The following ADAMTSL1 variants were observed in gnomAD, a reference collection of about 807,000 sequenced individuals.
ADAMTSL1 encodes ADAMTS like 1, also known as ADAMTS-like protein 1.
ADAMTSL1 carries 126 observed loss-of-function variants against 201.8 expected under a neutral mutation model. The ratio of observed to expected loss-of-function variants is 0.62; its 90% CI spans 0.54 to 0.72. The LOEUF is 0.72. Ranked by LOEUF, ADAMTSL1 falls within the 30% of genes least tolerant of loss-of-function variation. The pLI, the probability that ADAMTSL1 is intolerant of heterozygous loss-of-function variation, is 0.00. For missense variants in ADAMTSL1, 2,679 were observed against 2,277.8 expected, an observed-to-expected ratio of 1.18 and a Z score of -3.59; for synonymous variants, 1,121 against 903.4, an observed-to-expected ratio of 1.24 and a Z score of -4.32.
At chr9:18,018,598 G>A (rs1820354399) in intron 1 of ADAMTSL1, among the ~76,000 whole-genome samples, 1 of 151,996 alleles carries the variant, frequency 6.6e-6, no homozygotes, top group Non-Finnish European at 1.5e-5. Context: ...AGATGCCCGT[G>A]TATTAAGAAA....
intron 2 of ADAMTSL1, among the ~76,000 whole-genome samples, chr9:18,185,679 C>T (rs1828700619): frequency 6.6e-6 from 1 of 152,012 alleles, no homozygotes. Context: ...ATTAAAAAAA[C>T]ACTAGCTGTC....
chr9:18,793,613 GT>G, intron 19 of ADAMTSL1, among the ~76,000 whole-genome samples: 1 of 152,256 alleles, frequency 6.6e-6, no homozygotes, highest in East Asian at 1.9e-4. Flanking sequence ...TGGGTGAACA[GT>G]TTTTTGAAGC....
chr9:18,099,384 AT>A (rs1824415473), intron 1 of ADAMTSL1, among the ~76,000 whole-genome samples: 1 of 94,876 alleles, frequency 1.1e-5, no homozygotes, highest in South Asian at 3.0e-4. Flanking sequence ...ACATCCATTA[AT>A]TTTACTAGGC....
chr9:18,404,297 G>C (rs1818099664), intron 2 of ADAMTSL1, among the ~76,000 whole-genome samples: 1 of 152,010 alleles, frequency 6.6e-6, no homozygotes. Context: ...ATACTTTAAG[G>C]CCTTCTTCAT....
intron 1 of ADAMTSL1, among the ~76,000 whole-genome samples, chr9:17,927,245 CT>C (rs1826576022): frequency 6.6e-6 from 1 of 152,050 alleles, no homozygotes; most frequent in Non-Finnish European, 1.5e-5. Flanking sequence ...AATTTCCTTC[CT>C]TTTTGGGGCT....
At chr9:18,728,206 C>A (rs1024878957) in intron 15 of ADAMTSL1, among the ~76,000 whole-genome samples, 21 of 152,114 alleles carry the variant, frequency 1.4e-4, no homozygotes, top group African/African-American at 3.4e-4. Flanking sequence ...GGTCTACCTT[C>A]CCATCATGTC....
rs1830511118 is a variant in ADAMTSL1 at position 18,909,860 on chromosome 9, A to AC, written c.*1313dup. The AC allele has an allele frequency of 6.6e-6, 1 of 152,394 alleles. No homozygotes were observed. Among genetic ancestry groups the AC allele is most frequent in the East Asian group, 1.9e-4 (1 of 5,184 alleles). 9.4% of individuals were successfully genotyped at this position (152,394 alleles called of 1,614,324 possible). A position where few individuals can be genotyped will look rare whatever the true frequency, so the allele number is the denominator to read the frequency against. ...GCAGCACCCTGGCAAAGCAGCTCAC[A>AC]CACTGCAGCCACACTCATCAGCTGT... On this transcript the variant is annotated 3_prime_UTR_variant, in exon 29 of 29. Coordinates refer to ENST00000380548, the MANE Select transcript of ADAMTSL1 (RefSeq NM_001040272.6).
At chr9:18,101,933 G>T (rs2131850559) in intron 1 of ADAMTSL1, among the ~76,000 whole-genome samples, 1 of 152,280 alleles carries the variant, frequency 6.6e-6, no homozygotes, top group East Asian at 1.9e-4. Context: ...TGTAAGTAGT[G>T]GTGACAGGGA....
At chr9:18,303,481 C>G (rs897143664) in intron 2 of ADAMTSL1, among the ~76,000 whole-genome samples, 1 of 152,156 alleles carries the variant, frequency 6.6e-6, no homozygotes, top group African/African-American at 2.4e-5. Flanking sequence ...AGTGATGGTT[C>G]ACTCCACTCA....
chr9:18,746,391 C>A (rs184726788), intron 15 of ADAMTSL1, among the ~76,000 whole-genome samples: 4 of 152,260 alleles, frequency 2.6e-5, no homozygotes, highest in African/African-American at 9.6e-5. Context: ...GTCCACCTCC[C>A]GACCTCAGAG....
intron 3 of ADAMTSL1, among the ~76,000 whole-genome samples, chr9:18,538,939 A>G (rs539615226): frequency 5.6e-4 from 86 of 152,314 alleles, no homozygotes; most frequent in Non-Finnish European, 1.1e-3. Context: ...CATTCAGACC[A>G]GAGAAATACC....
At position 18,662,143 on chromosome 9, in the gene ADAMTSL1, A is replaced by G. The variant is rs548252326; in HGVS notation, c.1085+70A>G. On this transcript the variant is annotated intron_variant, in intron 9 of 28. Transcript: ENST00000380548. The stretch of plus-strand genomic sequence containing the variant: ...TTCCAAATAGGTTATTTAAATTAAA[A>G]TGAAACGTTTTAATTAAAAATAAAA... 3.7e-5 allele frequency: 57 copies of G among 1,537,552 alleles called. No homozygotes were observed. The East Asian group carries it at 4.7e-4, about 13-fold the overall frequency.
chr9:18,862,859 A>G (rs143129283), intron 23 of ADAMTSL1, among the ~76,000 whole-genome samples: 57 of 152,328 alleles, frequency 3.7e-4, no homozygotes, highest in African/African-American at 1.0e-3. Context: ...TTATAAACCC[A>G]GAAAGTTGAA....
intron 2 of ADAMTSL1, among the ~76,000 whole-genome samples, chr9:18,198,152 A>G (rs1042332687): frequency 6.6e-6 from 1 of 152,060 alleles, no homozygotes; most frequent in Non-Finnish European, 1.5e-5. Context: ...AACCATAAAA[A>G]CCCTAGAAGA....
chr9:18,780,835 A>G (rs1209594299), intron 19 of ADAMTSL1, among the ~76,000 whole-genome samples: 2 of 152,126 alleles, frequency 1.3e-5, no homozygotes, highest in African/African-American at 4.8e-5. Context: ...TTAACAGCTG[A>G]TTACTGTTCC....
chr9:18,161,086 T>C (rs1232930774), intron 1 of ADAMTSL1, among the ~76,000 whole-genome samples: 1 of 151,932 alleles, frequency 6.6e-6, no homozygotes, highest in Non-Finnish European at 1.5e-5. Context: ...TTATGAGACT[T>C]ATAAAATGTG....
intron 4 of ADAMTSL1, among the ~76,000 whole-genome samples, chr9:18,585,930 G>T (rs888367679): frequency 1.3e-5 from 2 of 151,998 alleles, no homozygotes; most frequent in Non-Finnish European, 2.9e-5. Flanking sequence ...GATATTGAAG[G>T]AAAATACCCT....
At chr9:18,159,608 T>C (rs1179227804) in intron 1 of ADAMTSL1, among the ~76,000 whole-genome samples, 1 of 152,086 alleles carries the variant, frequency 6.6e-6, no homozygotes, top group Non-Finnish European at 1.5e-5. Flanking sequence ...CCGGTTGCTC[T>C]GTATTTTAAC....
intron 1 of ADAMTSL1, among the ~76,000 whole-genome samples, chr9:18,009,628 G>C (rs1055795070): frequency 5.3e-5 from 8 of 151,970 alleles, no homozygotes; most frequent in African/African-American, 1.9e-4. Flanking sequence ...TGAGAGATGT[G>C]TTGGTTTGTT....
Sources: gnomAD v4.1 joint callset for allele counts (sites outside exome capture counted in the v4.1 genomes callset) on GRCh38, gnomAD v4.1.1 for gene constraint, MANE v1.5 for transcripts, NCBI Gene and HGNC (gene_info 2026-07-23, HGNC 2026-07-21) for gene names.